Variants in NRG1 observed in about 807,000 individuals in gnomAD.
The protein encoded by NRG1 is neuregulin 1.
NRG1 carries 18 observed loss-of-function variants against 63.8 expected under a neutral mutation model. The ratio of observed to expected loss-of-function variants is 0.28; its 90% CI spans 0.19 to 0.42. The LOEUF (loss-of-function observed/expected upper bound fraction) is 0.42. NRG1 is among the 10% of genes least tolerant of loss of function. The pLI is 1.00. For missense variants in NRG1, 762 were observed against 814.7 expected (o/e 0.94, Z 0.79); for synonymous variants, 302 against 301.3 (o/e 1.00, Z -0.02).
chr8:31,855,939 C>T (rs1356082766), intron 1 of NRG1, among the ~76,000 whole-genome samples: 13 of 151,724 alleles, frequency 8.6e-5, no homozygotes, highest in Non-Finnish European at 1.5e-4. Context: ...TGAATATTGG[C>T]CCCCACTCTC....
At chr8:32,390,602 T>TAA (rs66980062) in intron 1 of NRG1, among the ~76,000 whole-genome samples, 25 of 130,670 alleles carry the variant, frequency 1.9e-4, no homozygotes, top group South Asian at 1.0e-3. Context: ...GACCCTGTCT[T>TAA]AAAAAAAAAA....
At chr8:32,127,085 G>A (rs1834169978) in intron 1 of NRG1, among the ~76,000 whole-genome samples, 1 of 151,902 alleles carries the variant, frequency 6.6e-6, no homozygotes, top group Non-Finnish European at 1.5e-5. Context: ...CAATCTGTAT[G>A]TATGTAGTTT....
At chr8:32,755,892 G>A (rs886826757) in intron 8 of NRG1, among the ~76,000 whole-genome samples, 2 of 151,906 alleles carry the variant, frequency 1.3e-5, no homozygotes, top group African/African-American at 2.4e-5. Context: ...ACAGGTGCAC[G>A]CCACCAGCCC....
intron 1 of NRG1, among the ~76,000 whole-genome samples, chr8:32,354,323 C>T (rs951003302): frequency 2.6e-5 from 4 of 152,048 alleles, no homozygotes; most frequent in African/African-American, 9.7e-5. Flanking sequence ...GAGCCGAGAT[C>T]GTGCCACTGC....
chr8:32,247,249 C>T (rs1051393816), intron 1 of NRG1, among the ~76,000 whole-genome samples: 3 of 151,938 alleles, frequency 2.0e-5, no homozygotes, highest in Non-Finnish European at 2.9e-5. Flanking sequence ...AAAGTGACAT[C>T]GGGACTCAAA....
rs1412352184 is a variant in NRG1, at chr8:32,723,707, A to C, written c.503-4242A>C. ...CCATCTCAAAAAAAAAAAAAAAAAA[A>C]AAAAAAAAAAACAATTGTGGAAGGA... On this transcript the variant is annotated intron_variant, in intron 5 of 11. Coordinates refer to ENST00000356819, the Ensembl canonical transcript of NRG1. Among the ~76,000 whole-genome samples the C allele has an allele frequency of 8.1e-5, 12 of 149,062 alleles. No homozygotes were observed. The East Asian group carries it at 2.2e-3, about 27-fold the overall frequency.
At chr8:32,318,447 AATGTTT>A (rs1388827808) in intron 1 of NRG1, among the ~76,000 whole-genome samples, 25 of 152,248 alleles carry the variant, frequency 1.6e-4, no homozygotes, top group African/African-American at 5.8e-4. Context: ...GTACAATCTT[AATGTTT>A]TTGCATAAGG....
intron 1 of NRG1, among the ~76,000 whole-genome samples, chr8:31,902,731 A>G (rs1229191878): frequency 6.6e-6 from 1 of 152,216 alleles, no homozygotes; most frequent in Non-Finnish European, 1.5e-5. Context: ...TTTAACAGAC[A>G]TATTTTTACA....
chr8:31,640,145 C>G lies in NRG1; in HGVS notation c.37+714C>G. 1 of 1,170,260 alleles carries G rather than the reference C, an allele frequency of 8.5e-7. No homozygotes were observed. Among genetic ancestry groups the G allele is most frequent in the Non-Finnish European group, 1.1e-6 (1 of 948,494 alleles). The allele number at this position is 1,170,260 out of a possible 1,614,324, so 72.5% of individuals were successfully genotyped here. On this transcript the variant is annotated intron_variant, in intron 1 of 10. Transcript: ENST00000519301. This position sits in a 1 kb window ranked among gnomAD's most constrained non-coding sequence, Gnocchi z 6.3. ...CCGGGGGCGGCGGCCGGCAACGAGGCGGCTCCCGCGGGGGCCTCGGTGTGC... is the reference window on the plus strand; with the variant it reads ...CCGGGGGCGGCGGCCGGCAACGAGGGGGCTCCCGCGGGGGCCTCGGTGTGC...
At chr8:32,026,635 T>C (rs1422320712) in intron 1 of NRG1, among the ~76,000 whole-genome samples, 2 of 152,160 alleles carry the variant, frequency 1.3e-5, no homozygotes, top group African/African-American at 4.8e-5. Flanking sequence ...AGTCCCAAGA[T>C]GCCTAAAAAT....
intron 1 of NRG1, among the ~76,000 whole-genome samples, chr8:32,420,558 C>A (rs1319013046): frequency 6.7e-6 from 1 of 149,278 alleles, no homozygotes; most frequent in African/African-American, 2.5e-5. Flanking sequence ...TTTTTTCCTA[C>A]TAAACATGAG....
chr8:32,388,706 G>T (rs79058556), intron 1 of NRG1, among the ~76,000 whole-genome samples: 1,968 of 151,868 alleles, frequency 0.013, 29 homozygotes, highest in South Asian at 0.023. Flanking sequence ...TCCCATTTCA[G>T]CATTATTGGT....
At chr8:32,437,531 G>A (rs113426634) in intron 1 of NRG1, among the ~76,000 whole-genome samples, 66 of 152,252 alleles carry the variant, frequency 4.3e-4, no homozygotes, top group South Asian at 8.3e-4. Flanking sequence ...AAATAAACTC[G>A]AGAATCTCAC....
At chr8:32,442,905 A>G (rs1305146783) in intron 1 of NRG1, among the ~76,000 whole-genome samples, 1 of 151,876 alleles carries the variant, frequency 6.6e-6, no homozygotes, top group Non-Finnish European at 1.5e-5. Flanking sequence ...GTTGGATACA[A>G]CAACTATGAG....
intron 6 of NRG1, 106 bp from the exon 7 acceptor site, chr8:32,741,902 C>T (rs1826393852): frequency 1.3e-6 from 1 of 774,158 alleles, no homozygotes; most frequent in Non-Finnish European, 2.2e-6. Flanking sequence ...TGCTTGGTAC[C>T]AGATCATTTT....
intron 1 of NRG1, among the ~76,000 whole-genome samples, chr8:31,765,679 G>T (rs1817987645): frequency 6.6e-6 from 1 of 152,090 alleles, no homozygotes. Flanking sequence ...TGCCAGAAAG[G>T]AGTTCACCTT....
intron 1 of NRG1, among the ~76,000 whole-genome samples, chr8:32,082,589 C>T (rs575762556): frequency 6.6e-6 from 1 of 152,256 alleles, no homozygotes; most frequent in Non-Finnish European, 1.5e-5. Context: ...GGTTCAAGAA[C>T]AACAGAAGAG....
At chr8:32,581,041 T>C (rs1840546975) in intron 1 of NRG1, among the ~76,000 whole-genome samples, 1 of 152,186 alleles carries the variant, frequency 6.6e-6, no homozygotes, top group African/African-American at 2.4e-5. Context: ...ATAAATTGCT[T>C]GTGAAAGAAA....
At chr8:32,332,371 A>G (rs1451242994) in intron 1 of NRG1, among the ~76,000 whole-genome samples, 1 of 152,052 alleles carries the variant, frequency 6.6e-6, no homozygotes, top group Admixed American at 6.6e-5. Flanking sequence ...GCGTGACTTC[A>G]CTGTTAGTCT....
Sources: gnomAD v4.1 joint callset for allele counts (sites outside exome capture counted in the v4.1 genomes callset) on GRCh38, gnomAD v4.1.1 for gene constraint, Gnocchi (gnomAD v3.1) non-coding constraint, MANE v1.5 for transcripts, NCBI Gene and HGNC (gene_info 2026-07-23, HGNC 2026-07-21) for gene names.